The following SH2D4A variants were observed in gnomAD, a reference collection of about 807,000 sequenced individuals.
The protein encoded by SH2D4A is SH2 domain containing 4A.
A neutral mutation model predicts 64.7 loss-of-function variants in SH2D4A; 70 were observed. The ratio of observed to expected loss-of-function variants is 1.08; its 90% CI spans 0.89 to 1.32. The LOEUF (loss-of-function observed/expected upper bound fraction) is 1.32. SH2D4A is among the 40% of genes most tolerant of loss of function. The pLI is 0.00. For missense variants in SH2D4A, 706 were observed against 540.1 expected, an observed-to-expected ratio of 1.31 and a Z score of -3.04; for synonymous variants, 268 against 200.7, an observed-to-expected ratio of 1.34 and a Z score of -2.83.
chr8:19,327,156 G>T (rs564453504), intron 2 of SH2D4A, among the ~76,000 whole-genome samples: 1 of 152,324 alleles, frequency 6.6e-6, no homozygotes, highest in African/African-American at 2.4e-5. Flanking sequence ...GAGCAGGACT[G>T]ACCCGCCTTT....
rs776166138 is a variant in SH2D4A at position 19,319,567 on chromosome 8, C to T, written c.20C>T (p.Ser7Leu). 32 of 1,566,892 alleles carry T rather than the reference C, an allele frequency of 2.0e-5. No homozygotes were observed. Among genetic ancestry groups the T allele is most frequent in the Middle Eastern group, 1.7e-4 (1 of 5,894 alleles). Residue 7 changes from serine to leucine, a missense_variant, in exon 2 of 10, where the codon TCG becomes TTG. Coordinates refer to ENST00000265807, the MANE Select transcript of SH2D4A (RefSeq NM_022071.4). ...GCAAAGATGCTGAAACAGATACTGTCGGAGATGTACATAGATCCTGATCTA... is the reference window on the plus strand; with the variant it reads ...GCAAAGATGCTGAAACAGATACTGTTGGAGATGTACATAGATCCTGATCTA... Reference protein sequence around the residue: MLKQILSEMYIDPDLLA... With the variant: MLKQILLEMYIDPDLLA...
Position 19,319,683 on chromosome 8 carries a change from A to T in SH2D4A, c.136A>T (p.Met46Leu), listed in dbSNP as rs879724769. ...ACGATGGAAAGAAAGAGAAGCAGCT[A>T]TGGAAAGAAAGGAGTCCCTGCCAGT... The part of the protein sequence containing the change: ...IRRWKEREAA[M>L]ERKESLPVKP... Residue 46 changes from methionine (M) to leucine (L), a missense_variant, in exon 2 of 10, where the codon ATG becomes TTG. Physicochemically the swap from Met to Leu is conservative, Grantham distance 15. Coordinates refer to ENST00000265807, the MANE Select transcript of SH2D4A (RefSeq NM_022071.4). 6.2e-7 allele frequency: 1 copy of T among 1,607,288 alleles called. No homozygotes were observed. Among genetic ancestry groups the T allele is most frequent in the Admixed American group, 1.7e-5 (1 of 58,584 alleles).
chr8:19,351,129 G>A (rs567559640), intron 4 of SH2D4A, among the ~76,000 whole-genome samples: 2 of 152,212 alleles, frequency 1.3e-5, no homozygotes, highest in South Asian at 4.1e-4. Context: ...GAAGCAAAAA[G>A]GTAAATCCCA....
chr8:19,325,663 C>T (rs1279554009), intron 2 of SH2D4A, among the ~76,000 whole-genome samples: 1 of 152,170 alleles, frequency 6.6e-6, no homozygotes, highest in Non-Finnish European at 1.5e-5. Context: ...GAGGTTCTCT[C>T]GTTTCTATAC....
intron 2 of SH2D4A, among the ~76,000 whole-genome samples, chr8:19,320,759 C>G (rs2052176128): frequency 1.3e-5 from 2 of 152,098 alleles, no homozygotes; most frequent in Admixed American, 6.5e-5. Context: ...CGAAGTCTGT[C>G]ATGGGTGAAT....
At position 19,331,125 on chromosome 8, in the gene SH2D4A, A is replaced by G. The variant is rs1431299050; in HGVS notation, c.182-1830A>G. 4.6e-5 allele frequency among the ~76,000 whole-genome samples: 7 copies of G among 152,292 alleles called. No homozygotes were observed. In the South Asian group the frequency reaches 8.3e-4, roughly 18 times the overall value. On this transcript the variant is annotated intron_variant, in intron 2 of 9. Transcript: ENST00000265807. ...TTTAGAACATACTGCAGGAGTGTCC[A>G]CTGTACCAAGAAGGGTAGAAAGGGT...
intron 4 of SH2D4A, among the ~76,000 whole-genome samples, chr8:19,345,938 T>C (rs1268634145): frequency 2.0e-5 from 3 of 152,234 alleles, no homozygotes; most frequent in Non-Finnish European, 4.4e-5. Flanking sequence ...TGAGAATTGT[T>C]TGATGGCTGC....
Position 19,394,714 on chromosome 8 carries a change from T to C in SH2D4A, c.*72T>C. 5.0e-6 allele frequency: 6 copies of C among 1,204,672 alleles called. No individual in the cohort carries two copies. The highest frequency in any genetic ancestry group is 7.0e-6 in the Non-Finnish European group (6 of 857,774). The allele number at this position is 1,204,672 out of a possible 1,614,324, so 74.6% of individuals were successfully genotyped here. A position where few individuals can be genotyped will look rare whatever the true frequency, so the allele number is the denominator to read the frequency against. On this transcript the variant is annotated 3_prime_UTR_variant, in exon 10 of 10. Coordinates refer to ENST00000265807, the MANE Select transcript of SH2D4A (RefSeq NM_022071.4). ...TGGACAAATGCCACTGCAACATTTATGTGTGAAGCCAAAATCACCCTGCAG... is the reference window on the plus strand; with the variant it reads ...TGGACAAATGCCACTGCAACATTTACGTGTGAAGCCAAAATCACCCTGCAG...
chr8:19,318,675 A>G (rs2052131425), intron 1 of SH2D4A, among the ~76,000 whole-genome samples: 1 of 152,230 alleles, frequency 6.6e-6, no homozygotes, highest in South Asian at 2.1e-4. Context: ...AAACTCGGTG[A>G]CCTTCCAGAA....
rs2052880172 is a variant in SH2D4A at position 19,361,205 on chromosome 8, GA to G, written c.600del (p.Glu201AsnfsTer3). 1 of 1,484,912 alleles carries G rather than the reference GA, an allele frequency of 6.7e-7. No individual in the cohort carries two copies. Among genetic ancestry groups the G allele is most frequent in the African/African-American group, 1.4e-5 (1 of 70,692 alleles). The allele number at this position is 1,484,912 out of a possible 1,614,324, so 92.0% of individuals were successfully genotyped here. A position where few individuals can be genotyped will look rare whatever the true frequency, so the allele number is the denominator to read the frequency against. On this transcript the variant is annotated frameshift_variant, in exon 6 of 10. Coordinates refer to ENST00000265807, the MANE Select transcript of SH2D4A (RefSeq NM_022071.4). LOFTEE classifies it high-confidence loss of function. ...RMKAYAFHQK[K>X]ESMKKKQDEE... ...TTTTTTGTTTTGTTTTTAAACAGAAGAAAGAATCTATGAAGAAAAAACAAGA... is the reference window on the plus strand; with the variant it reads ...TTTTTTGTTTTGTTTTTAAACAGAAGAAGAATCTATGAAGAAAAAACAAGA...
At chr8:19,354,605 G>T (rs1019778476) in intron 4 of SH2D4A, among the ~76,000 whole-genome samples, 1 of 152,124 alleles carries the variant, frequency 6.6e-6, no homozygotes, top group Non-Finnish European at 1.5e-5. Flanking sequence ...ATACAATGAT[G>T]ATAGGAAAAA....
At chr8:19,333,476 G>C (rs2117209249) in intron 3 of SH2D4A, among the ~76,000 whole-genome samples, 1 of 152,252 alleles carries the variant, frequency 6.6e-6, no homozygotes, top group Non-Finnish European at 1.5e-5. Flanking sequence ...AGTCATGTTA[G>C]AGCAATGCAG....
intron 4 of SH2D4A, among the ~76,000 whole-genome samples, chr8:19,352,879 C>T (rs2052729937): frequency 6.6e-6 from 1 of 152,002 alleles, no homozygotes; most frequent in South Asian, 2.1e-4. Flanking sequence ...TGTGGTAGTG[C>T]ATGCTTGTAG....
chr8:19,322,833 C>G (rs1349985391), intron 2 of SH2D4A, among the ~76,000 whole-genome samples: 2 of 151,906 alleles, frequency 1.3e-5, no homozygotes, highest in Admixed American at 6.6e-5. Context: ...TGCTACCATG[C>G]CCAGCTAATT....
At chr8:19,328,820 C>G (rs541615333) in intron 2 of SH2D4A, among the ~76,000 whole-genome samples, 5 of 152,334 alleles carry the variant, frequency 3.3e-5, no homozygotes, top group African/African-American at 1.2e-4. Context: ...TTTCTTACCT[C>G]TGTTTACTAT....
intron 7 of SH2D4A, among the ~76,000 whole-genome samples, chr8:19,370,040 G>T (rs946482091): frequency 1.3e-5 from 2 of 151,876 alleles, no homozygotes; most frequent in African/African-American, 4.8e-5. Flanking sequence ...AACATTTTTG[G>T]TTTCTGAAAT....
intron 7 of SH2D4A, among the ~76,000 whole-genome samples, chr8:19,370,647 T>C (rs1378950571): frequency 2.0e-5 from 3 of 152,124 alleles, no homozygotes; most frequent in Non-Finnish European, 4.4e-5. Flanking sequence ...AGTTAGCCCC[T>C]TGCAGGCAAT....
At chr8:19,353,999 T>A (rs1372491334) in intron 4 of SH2D4A, among the ~76,000 whole-genome samples, 1 of 150,952 alleles carries the variant, frequency 6.6e-6, no homozygotes, top group Non-Finnish European at 1.5e-5. Flanking sequence ...CTAATTTTTT[T>A]TTTTTTTTTT....
intron 2 of SH2D4A, among the ~76,000 whole-genome samples, chr8:19,325,498 G>C (rs2052263614): frequency 6.6e-6 from 1 of 152,142 alleles, no homozygotes; most frequent in South Asian, 2.1e-4. Flanking sequence ...CCACTTTTCT[G>C]TTCCCCCAAC....
Sources: allele counts gnomAD v4.1 joint callset (sites outside exome capture counted in the v4.1 genomes callset), GRCh38; gene constraint gnomAD v4.1.1; transcripts MANE v1.5; gene names NCBI Gene and HGNC (gene_info 2026-07-23, HGNC 2026-07-21).